Variants in GNAQ observed in about 807,000 individuals in gnomAD.
GNAQ encodes G protein subunit alpha q.
GNAQ carries 8 observed loss-of-function variants against 43.9 expected under a neutral mutation model. The observed-to-expected ratio is 0.18, with a 90% CI of 0.11 to 0.33. GNAQ has a LOEUF of 0.33. GNAQ is among the 10% of genes least tolerant of loss of function. The pLI is 1.00. For synonymous variants in GNAQ, 155 were observed against 170.7 expected, an observed-to-expected ratio of 0.91 and a Z score of 0.71; for missense variants, 158 against 450.8, an observed-to-expected ratio of 0.35 and a Z score of 5.88.
intron 2 of GNAQ, among the ~76,000 whole-genome samples, chr9:77,860,904 T>C (rs1261273801): frequency 1.1e-4 from 17 of 152,176 alleles, no homozygotes; most frequent in Admixed American, 1.1e-3. Context: ...CCCTCAAAGA[T>C]ATCCACCATC....
At chr9:77,906,875 C>A (rs1272874474) in intron 2 of GNAQ, among the ~76,000 whole-genome samples, 2 of 152,162 alleles carry the variant, frequency 1.3e-5, no homozygotes, top group Non-Finnish European at 2.9e-5. Context: ...GACAGTGAAC[C>A]TACATTTGTA....
At chr9:78,026,204 G>T (rs1210894239) in intron 1 of GNAQ, among the ~76,000 whole-genome samples, 1 of 152,138 alleles carries the variant, frequency 6.6e-6, no homozygotes, top group African/African-American at 2.4e-5. Flanking sequence ...GTTCAGCAGG[G>T]TTTTAATTTG....
At chr9:77,925,615 C>T (rs1178492476) in intron 1 of GNAQ, among the ~76,000 whole-genome samples, 1 of 152,178 alleles carries the variant, frequency 6.6e-6, no homozygotes, top group African/African-American at 2.4e-5. Flanking sequence ...CACTCAAGAA[C>T]TTAATGTTCA....
intron 1 of GNAQ, among the ~76,000 whole-genome samples, chr9:77,977,922 C>A (rs545551990): frequency 6.6e-6 from 1 of 152,288 alleles, no homozygotes; most frequent in South Asian, 2.1e-4. Context: ...CAGAACCCTC[C>A]ACCAGTGGCA....
intron 5 of GNAQ, among the ~76,000 whole-genome samples, chr9:77,738,734 T>G (rs1825609538): frequency 6.6e-6 from 1 of 152,156 alleles, no homozygotes; most frequent in African/African-American, 2.4e-5. Context: ...AGTTTTAAAT[T>G]TATTTAACTT....
intron 2 of GNAQ, among the ~76,000 whole-genome samples, chr9:77,818,961 C>T (rs557771768): frequency 2.3e-5 from 3 of 131,994 alleles, no homozygotes; most frequent in African/African-American, 3.0e-5. Context: ...GATAGCACCA[C>T]GGCATTCCAG....
In GNAQ at chr9:77,910,715, A is replaced by C. The variant is rs551167302; in HGVS notation, c.321+11446T>G. On this transcript the variant is annotated intron_variant, in intron 2 of 6. Transcript: ENST00000286548. ...TTAGCAAACATTTGTTGAATGACTA[A>C]AGAACATCATCTCCATTTAACAATG... 1.4e-4 allele frequency among the ~76,000 whole-genome samples: 22 copies of C among 152,326 alleles called. 1 individual carries two copies. In the South Asian group the frequency reaches 2.7e-3, roughly 19 times the overall value.
At chr9:77,773,971 G>A (rs1826267387) in intron 5 of GNAQ, among the ~76,000 whole-genome samples, 2 of 151,762 alleles carry the variant, frequency 1.3e-5, no homozygotes, top group South Asian at 2.1e-4. Flanking sequence ...TAGGTTCCCT[G>A]CTAAAAGACA....
At chr9:78,009,719 A>C (rs553256843) in intron 1 of GNAQ, among the ~76,000 whole-genome samples, 45 of 152,228 alleles carry the variant, frequency 3.0e-4, no homozygotes, top group Non-Finnish European at 3.8e-4. Context: ...GTAGAATTAC[A>C]AATGCTAGAA....
intron 1 of GNAQ, among the ~76,000 whole-genome samples, chr9:77,995,284 T>A (rs976554297): frequency 6.6e-6 from 1 of 152,192 alleles, no homozygotes; most frequent in Non-Finnish European, 1.5e-5. Context: ...TCTGGTTCTA[T>A]GACCGTAAGG....
intron 1 of GNAQ, among the ~76,000 whole-genome samples, chr9:77,970,762 A>G (rs556276220): frequency 4.6e-5 from 7 of 152,178 alleles, no homozygotes; most frequent in Non-Finnish European, 7.3e-5. Flanking sequence ...TTCAAAAGCT[A>G]GCAGAAGACA....
rs1285684081 is a variant in GNAQ at position 77,952,249 on chromosome 9, G to A, written c.137-29904C>T. 2.0e-5 allele frequency among the ~76,000 whole-genome samples: 3 copies of A among 152,184 alleles called. No homozygotes were observed. In the East Asian group the frequency reaches 5.8e-4, roughly 29 times the overall value. ...TTAAAATAACATTGTTGCTGTTGTTGTTGTTCTAAAGTTACACTGGAGTGG... is the reference window on the plus strand; with the variant it reads ...TTAAAATAACATTGTTGCTGTTGTTATTGTTCTAAAGTTACACTGGAGTGG... On this transcript the variant is annotated intron_variant, in intron 1 of 6. Coordinates refer to ENST00000286548, the MANE Select transcript of GNAQ (RefSeq NM_002072.5).
At chr9:77,755,482 T>C (rs978584588) in intron 5 of GNAQ, among the ~76,000 whole-genome samples, 2 of 152,166 alleles carry the variant, frequency 1.3e-5, no homozygotes, top group Non-Finnish European at 2.9e-5. Context: ...TATAAATATA[T>C]ATGCCATGTA....
In GNAQ at chr9:77,716,518, C is replaced by A. The variant is rs569006143; in HGVS notation, c.*4805G>T. 8.6e-6 allele frequency: 2 copies of A among 232,700 alleles called. No individual in the cohort carries two copies. Among genetic ancestry groups the A allele is most frequent in the Non-Finnish European group, 1.7e-5 (2 of 117,826 alleles). 14.4% of individuals were successfully genotyped at this position (232,700 alleles called of 1,614,324 possible). On this transcript the variant is annotated 3_prime_UTR_variant, in exon 7 of 7. Coordinates refer to ENST00000286548, the MANE Select transcript of GNAQ (RefSeq NM_002072.5). Reference sequence around the variant, plus strand: ...ACAGGATGATGGGTGAGGAATCCAGCAAGGAGTTGCATTTAGAGAGTTCTT... The same window carrying A: ...ACAGGATGATGGGTGAGGAATCCAGAAAGGAGTTGCATTTAGAGAGTTCTT...
intron 2 of GNAQ, among the ~76,000 whole-genome samples, chr9:77,880,875 C>T (rs1435968365): frequency 6.6e-6 from 1 of 152,148 alleles, no homozygotes; most frequent in Non-Finnish European, 1.5e-5. Flanking sequence ...AGGTTTGAGG[C>T]TGAAGACAGT....
At chr9:77,837,095 G>C (rs1827400764) in intron 2 of GNAQ, among the ~76,000 whole-genome samples, 1 of 152,106 alleles carries the variant, frequency 6.6e-6, no homozygotes, top group South Asian at 2.1e-4. Flanking sequence ...AGGGTCTCCT[G>C]AATTTCTTTC....
intron 1 of GNAQ, among the ~76,000 whole-genome samples, chr9:77,939,756 T>C (rs1054014928): frequency 1.3e-5 from 2 of 152,212 alleles, no homozygotes; most frequent in South Asian, 2.1e-4. Flanking sequence ...ATCAAACAGA[T>C]AATGCCATAT....
chr9:77,748,465 T>A (rs1342652182), intron 5 of GNAQ, among the ~76,000 whole-genome samples: 2 of 152,218 alleles, frequency 1.3e-5, no homozygotes, highest in South Asian at 2.1e-4. Context: ...AGCATGAAGC[T>A]TTGTAGAGCT....
chr9:77,813,778 T>C (rs1826966393), intron 3 of GNAQ, among the ~76,000 whole-genome samples: 1 of 152,060 alleles, frequency 6.6e-6, no homozygotes, highest in South Asian at 2.1e-4. Flanking sequence ...CAGTTACAGT[T>C]GACAGGTAAA....
Sources: gnomAD v4.1 joint callset for allele counts (sites outside exome capture counted in the v4.1 genomes callset) on GRCh38, gnomAD v4.1.1 for gene constraint, MANE v1.5 for transcripts, NCBI Gene and HGNC (gene_info 2026-07-23, HGNC 2026-07-21) for gene names.